The following SNRPN variants were observed in gnomAD, a reference collection of about 807,000 sequenced individuals.
SNRPN encodes small nuclear ribonucleoprotein-associated protein N.
SNRPN carries 7 observed loss-of-function variants against 25.2 expected under a neutral mutation model. The ratio of observed to expected loss-of-function variants is 0.28; its 90% CI spans 0.16 to 0.52. The LOEUF is 0.52. SNRPN is among the 20% of genes least tolerant of loss of function. SNRPN has a pLI of 0.96. For synonymous variants in SNRPN, 124 were observed against 110.6 expected, an observed-to-expected ratio of 1.12 and a Z score of -0.76; for missense variants, 196 against 322.5, an observed-to-expected ratio of 0.61 and a Z score of 3.00.
At chr15:24,976,692 C>G (rs902794620) in intron 6 of SNRPN, among the ~76,000 whole-genome samples, 185 bp from the exon 7 acceptor site, 3 of 152,192 alleles carry the variant, frequency 2.0e-5, no homozygotes, top group African/African-American at 7.2e-5. Context: ...CACAATTTGA[C>G]AAATAATGTG....
intron 2 of SNRPN, among the ~76,000 whole-genome samples, chr15:24,834,990 G>T (rs2050944896): frequency 1.9e-5 from 1 of 52,934 alleles, no homozygotes; most frequent in South Asian, 5.0e-4. Flanking sequence ...ATATAAAATA[G>T]ATATATATAG....
rs533196238 is a variant in SNRPN at position 24,864,176 on chromosome 15, A to G, written c.-579+7460A>G. Among the ~76,000 whole-genome samples, 633 of 133,138 alleles carry G rather than the reference A, an allele frequency of 4.8e-3. 10 individuals carry two copies. The highest frequency in any genetic ancestry group is 0.01 in the Middle Eastern group (2 of 192). 87.3% of individuals were successfully genotyped at this position (133,138 alleles called of 152,430 possible). ...CAAGTAGCTGGGACTACAGGCGCCC[A>G]CCACAACGCCCGGCTAATTTTTTTT... On this transcript the variant is annotated intron_variant, in intron 1 of 11. Transcript: ENST00000400097.
intron 3 of SNRPN, among the ~76,000 whole-genome samples, chr15:24,941,448 C>T (rs2061551245): frequency 6.6e-6 from 1 of 152,190 alleles, no homozygotes; most frequent in Non-Finnish European, 1.5e-5. Flanking sequence ...CCTCAGCAAG[C>T]ACCACGGCTG....
At chr15:24,827,792 A>C (rs1042621005) in intron 1 of SNRPN, among the ~76,000 whole-genome samples, 5 of 150,962 alleles carry the variant, frequency 3.3e-5, no homozygotes, top group African/African-American at 9.8e-5. Flanking sequence ...ACTTGAACCC[A>C]GGAGGCAGAG....
intron 3 of SNRPN, among the ~76,000 whole-genome samples, chr15:24,937,186 A>G (rs1181194863): frequency 6.6e-6 from 1 of 152,160 alleles, no homozygotes; most frequent in Non-Finnish European, 1.5e-5. Flanking sequence ...GATTGCAGCA[A>G]GACGAGATCA....
chr15:24,878,420 G>T (rs12906608), intron 1 of SNRPN, among the ~76,000 whole-genome samples: 45 of 152,334 alleles, frequency 3.0e-4, no homozygotes, highest in Admixed American at 1.0e-3. Flanking sequence ...CCGATCTTCG[G>T]CGCGCCTGCA....
chr15:24,925,866 C>A (rs1267971207), intron 3 of SNRPN, among the ~76,000 whole-genome samples: 1 of 151,994 alleles, frequency 6.6e-6, no homozygotes, highest in Non-Finnish European at 1.5e-5. Flanking sequence ...CTCAGCCTCC[C>A]GAGTAGCGGT....
At chr15:24,868,668 GTTCAATTA>G (rs900046060) in intron 1 of SNRPN, among the ~76,000 whole-genome samples, 1 of 152,124 alleles carries the variant, frequency 6.6e-6, no homozygotes. Context: ...GTTTCTCAGT[GTTCAATTA>G]TTTTGTATAA....
rs191434254 is a variant in SNRPN at position 24,860,603 on chromosome 15, C to T, written c.-579+3887C>T. On this transcript the variant is annotated intron_variant, in intron 1 of 11. Transcript: ENST00000400097. The stretch of plus-strand genomic sequence containing the variant: ...TACCTAACTTAGTTAAAATCACAGC[C>T]TAGCCTATCATCCTTAAGTGTGCTC... 3.3e-4 allele frequency among the ~76,000 whole-genome samples: 50 copies of T among 152,308 alleles called. No individual in the cohort carries two copies. The East Asian group carries it at 8.7e-3, about 26-fold the overall frequency.
chr15:24,948,347 C>T (rs1298504338), intron 3 of SNRPN, among the ~76,000 whole-genome samples: 3 of 152,100 alleles, frequency 2.0e-5, no homozygotes, highest in South Asian at 4.2e-4. Context: ...CTCCTGACCT[C>T]GTGATCTGCC....
At chr15:24,841,712 G>C (rs74005370) in intron 2 of SNRPN, among the ~76,000 whole-genome samples, 1 of 152,130 alleles carries the variant, frequency 6.6e-6, no homozygotes, top group Non-Finnish European at 1.5e-5. Context: ...GCCACACTGC[G>C]TAAGATTTCC....
intron 3 of SNRPN, among the ~76,000 whole-genome samples, chr15:24,931,824 G>A (rs1378280522): frequency 9.6e-6 from 1 of 104,710 alleles, no homozygotes; most frequent in Non-Finnish European, 1.7e-5. Flanking sequence ...GGGTGACAGA[G>A]TGAGAACCTG....
intron 3 of SNRPN, among the ~76,000 whole-genome samples, chr15:24,926,442 C>T (rs1407348486): frequency 6.6e-6 from 1 of 152,100 alleles, no homozygotes; most frequent in Admixed American, 6.6e-5. Flanking sequence ...AATAATCCTG[C>T]TTTCTCTCAG....
At chr15:24,903,879 C>T (rs1049470204) in intron 2 of SNRPN, among the ~76,000 whole-genome samples, 4 of 151,826 alleles carry the variant, frequency 2.6e-5, no homozygotes, top group African/African-American at 9.7e-5. Flanking sequence ...CAAAAACATA[C>T]AAAAAATTGC....
upstream of SNRPN, chr15:24,954,969 T>A: frequency 6.3e-7 from 1 of 1,597,468 alleles, no homozygotes. Context: ...AGCCTGCCGC[T>A]GCTGCAGCGA....
chr15:24,852,750 C>T (rs920728220), upstream of SNRPN, among the ~76,000 whole-genome samples: 1 of 151,996 alleles, frequency 6.6e-6, no homozygotes, highest in Non-Finnish European at 1.5e-5. Flanking sequence ...CATGGCAGAA[C>T]GCTGTTTCTA....
At chr15:24,838,186 C>T (rs2051387154) in intron 2 of SNRPN, among the ~76,000 whole-genome samples, 1 of 151,808 alleles carries the variant, frequency 6.6e-6, no homozygotes, top group African/African-American at 2.4e-5. Flanking sequence ...AGGCACCTGC[C>T]ACCACGCCCA....
intron 1 of SNRPN, among the ~76,000 whole-genome samples, chr15:24,878,491 G>A (rs2056223423): frequency 1.3e-5 from 2 of 152,238 alleles, no homozygotes; most frequent in African/African-American, 2.4e-5. Context: ...TGCGCCCCGA[G>A]GGTCTGTTCC....
intron 2 of SNRPN, among the ~76,000 whole-genome samples, chr15:24,904,334 A>T (rs2058660616): frequency 6.6e-6 from 1 of 152,160 alleles, no homozygotes; most frequent in African/African-American, 2.4e-5. Flanking sequence ...TTTTAATGGC[A>T]CACATGCATA....
Sources: gnomAD v4.1 joint callset for allele counts (sites outside exome capture counted in the v4.1 genomes callset) on GRCh38, gnomAD v4.1.1 for gene constraint, MANE v1.5 for transcripts, NCBI Gene and HGNC (gene_info 2026-07-23, HGNC 2026-07-21) for gene names.